The following RBM19 variants were observed in gnomAD, a reference collection of about 807,000 sequenced individuals.
The protein encoded by RBM19 is probable RNA-binding protein 19.
In RBM19, 94 loss-of-function variants were observed where a neutral mutation model predicts 116.8. The observed-to-expected ratio is 0.80, with a 90% confidence interval of 0.68 to 0.95. The LOEUF is 0.95. Ranked by LOEUF, RBM19 falls within the 40% of genes least tolerant of loss-of-function variation. RBM19 has a pLI of 0.00. For missense variants in RBM19, 1,161 were observed against 1,220.7 expected, an observed-to-expected ratio of 0.95 and a Z score of 0.73; for synonymous variants, 475 against 494.1, an observed-to-expected ratio of 0.96 and a Z score of 0.51.
intron 18 of RBM19, among the ~76,000 whole-genome samples, chr12:113,923,119 G>C (rs1566019198): frequency 6.6e-6 from 1 of 152,216 alleles, no homozygotes; most frequent in Non-Finnish European, 1.5e-5. Context: ...GGGTGACAGA[G>C]TGAGACTCTG....
At chr12:113,873,689 T>TA (rs146761765) in intron 21 of RBM19, among the ~76,000 whole-genome samples, 4,837 of 127,622 alleles carry the variant, frequency 0.038, 243 homozygotes, top group African/African-American at 0.13. Context: ...AAAAATAAAT[T>TA]AAAAAAAAAA....
In RBM19 at chr12:113,904,829, T is replaced by C. The variant is rs534310620; in HGVS notation, c.2558+10140A>G. Among the ~76,000 whole-genome samples the C allele has an allele frequency of 1.1e-4, 17 of 152,260 alleles. No individual in the cohort carries two copies. In the South Asian group the frequency reaches 2.5e-3, roughly 22 times the overall value. The stretch of plus-strand genomic sequence containing the variant: ...GTGAGGGATGCACATTCCACCAAGA[T>C]GGCAGCTCTCTCAGACTTTCCCGTC... On this transcript the variant is annotated intron_variant, in intron 21 of 23. Transcript: ENST00000261741.
chr12:113,922,505 C>T (rs977114765), intron 18 of RBM19, among the ~76,000 whole-genome samples: 1 of 152,094 alleles, frequency 6.6e-6, no homozygotes, highest in Non-Finnish European at 1.5e-5. Context: ...CAAGGCTGGC[C>T]CCACAGAGCA....
intron 18 of RBM19, among the ~76,000 whole-genome samples, chr12:113,924,444 T>C (rs757930186): frequency 6.6e-5 from 10 of 152,044 alleles, no homozygotes; most frequent in Non-Finnish European, 1.0e-4. Context: ...CCCCTGACAG[T>C]TTGAGGTGGT....
intron 21 of RBM19, among the ~76,000 whole-genome samples, chr12:113,909,785 C>G (rs1490876320): frequency 2.0e-5 from 3 of 152,202 alleles, no homozygotes; most frequent in Non-Finnish European, 2.9e-5. Flanking sequence ...TAACCCCAAA[C>G]AGTGTTCCTG....
At position 113,959,377 on chromosome 12, in the gene RBM19, A is replaced by G; in HGVS notation, c.406T>C (p.Phe136Leu). The G allele has an allele frequency of 6.2e-7, 1 of 1,607,602 alleles. No individual in the cohort carries two copies. The highest frequency in any genetic ancestry group is 8.5e-7 in the Non-Finnish European group (1 of 1,174,576). ...KLKEDTEFQE[F>L]LSVHQRRAQA... is the part of the protein sequence containing the mutation. The stretch of plus-strand genomic sequence containing the variant: ...GCCCGCCTCTGATGAACTGACAGAA[A>G]CTCCTGGAACTCTGTATCCTCCTTC... The change falls in exon 5 of 24, where the codon TTT becomes CTT. Residue 136 changes from phenylalanine to leucine, a missense_variant. Physicochemically the swap from Phe to Leu is conservative, Grantham distance 22. Transcript: ENST00000261741.
rs555087313 is a variant in RBM19, at chr12:113,872,476, G to A, written c.2559-13580C>T. ...TGCTCGGCCGCCCCTACTGGGAGGT[G>A]GGGAGCCCCTCTGCCCGGCCAGCCG... is the stretch of plus-strand genomic sequence containing the variant. On this transcript the variant is annotated intron_variant, in intron 21 of 23. Coordinates refer to ENST00000261741, the MANE Select transcript of RBM19 (RefSeq NM_016196.4). Among the ~76,000 whole-genome samples the A allele has an allele frequency of 6.3e-3, 895 of 141,744 alleles. 8 individuals carry two copies. The highest frequency in any genetic ancestry group is 0.02 in the African/African-American group (787 of 39,146). 93.0% of individuals were successfully genotyped at this position (141,744 alleles called of 152,430 possible).
intron 22 of RBM19, among the ~76,000 whole-genome samples, chr12:113,845,088 G>C (rs1876840825): frequency 6.6e-6 from 1 of 152,128 alleles, no homozygotes; most frequent in South Asian, 2.1e-4. Context: ...ATCTGTGGAG[G>C]GCGACCCCAT....
chr12:113,911,846 A>G (rs1335556320), intron 21 of RBM19, among the ~76,000 whole-genome samples: 2 of 152,248 alleles, frequency 1.3e-5, no homozygotes, highest in Non-Finnish European at 2.9e-5. Context: ...CCACAGCATC[A>G]TCACAAATTA....
At chr12:113,875,784 G>C (rs1020254708) in intron 21 of RBM19, among the ~76,000 whole-genome samples, 7 of 152,228 alleles carry the variant, frequency 4.6e-5, no homozygotes, top group African/African-American at 1.7e-4. Flanking sequence ...AGTTCACGCA[G>C]AGGGAAAAGT....
intron 13 of RBM19, 72 bp downstream of exon 13, chr12:113,945,756 A>G (rs1870953939): frequency 1.5e-6 from 2 of 1,313,638 alleles, no homozygotes; most frequent in South Asian, 2.6e-5. Flanking sequence ...ACAGCAGTAC[A>G]ACGAGCCTCC....
In RBM19 at chr12:113,914,958, G is replaced by C. The variant is rs762794347; in HGVS notation, c.2558+11C>G. 1 of 1,608,250 alleles carries C rather than the reference G, an allele frequency of 6.2e-7. No homozygotes were observed. Among genetic ancestry groups the C allele is most frequent in the South Asian group, 1.1e-5 (1 of 90,970 alleles). On this transcript the variant is annotated intron_variant, in intron 21 of 23. Coordinates refer to ENST00000261741, the MANE Select transcript of RBM19 (RefSeq NM_016196.4). ...CACGCCAGTCCCCTGGACTAAACCT[G>C]AAGTTCTCACCTGAAGAGCTCTCGG...
chr12:113,953,811 C>T (rs1485601021), intron 7 of RBM19, among the ~76,000 whole-genome samples: 1 of 152,212 alleles, frequency 6.6e-6, no homozygotes, highest in Non-Finnish European at 1.5e-5. Context: ...CCATGGTCTG[C>T]TTTTGAATGG....
chr12:113,824,606 C>CATT (rs1874701559), intron 23 of RBM19, among the ~76,000 whole-genome samples: 1 of 152,080 alleles, frequency 6.6e-6, no homozygotes, highest in South Asian at 2.1e-4. Context: ...TATCCGCAGG[C>CATT]TGTGAGCTCC....
intron 21 of RBM19, among the ~76,000 whole-genome samples, chr12:113,901,634 G>A (rs1450943602): frequency 2.0e-5 from 3 of 151,994 alleles, no homozygotes; most frequent in Non-Finnish European, 4.4e-5. Context: ...TTAGCCTCCC[G>A]AGTAGCTGGG....
rs551142795 is a variant in RBM19, at chr12:113,916,688, G to A, written c.2442-1603C>T. ...TGCCATGCCATGGGGACACTCAAGC[G>A]GTCCCAGAAAGAGATCCCCAAGGTG... On this transcript the variant is annotated intron_variant, in intron 20 of 23. Coordinates refer to ENST00000261741, the MANE Select transcript of RBM19 (RefSeq NM_016196.4). 7.2e-4 allele frequency among the ~76,000 whole-genome samples: 110 copies of A among 152,280 alleles called. 1 individual carries two copies. The highest frequency in any genetic ancestry group is 2.9e-3 in the Admixed American group (44 of 15,292).
intron 21 of RBM19, among the ~76,000 whole-genome samples, chr12:113,913,995 C>T (rs1359586166): frequency 6.6e-6 from 1 of 152,182 alleles, no homozygotes; most frequent in Non-Finnish European, 1.5e-5. Flanking sequence ...TCCCCTTAGG[C>T]CCTGATATGA....
At chr12:113,853,260 C>T (rs1398273980) in intron 22 of RBM19, among the ~76,000 whole-genome samples, 1 of 152,226 alleles carries the variant, frequency 6.6e-6, no homozygotes, top group East Asian at 1.9e-4. Flanking sequence ...ACAATGAAAG[C>T]TGTGGTTGTT....
rs1396817111 is a variant in RBM19 at position 113,915,034 on chromosome 12, G to A, written c.2493C>T (p.Thr831=). 2 of 1,614,214 alleles carry A rather than the reference G, an allele frequency of 1.2e-6. No individual in the cohort carries two copies. Among genetic ancestry groups the A allele is most frequent in the Non-Finnish European group, 1.7e-6 (2 of 1,180,044 alleles). ...GGATGTTCCGCACCAGGATCTTGGA[G>A]GTGGTCTGCTTTCTGGGAACTTGTT... ...RKKQVPRKQT[T]SKILVRNIPF... is the part of the protein sequence containing the mutation. Residue 831 remains threonine, a synonymous_variant, in exon 21 of 24, where the codon ACC becomes ACT. Transcript: ENST00000261741.
Sources: gnomAD v4.1 joint callset for allele counts (sites outside exome capture counted in the v4.1 genomes callset) on GRCh38, gnomAD v4.1.1 for gene constraint, MANE v1.5 for transcripts, NCBI Gene and HGNC (gene_info 2026-07-23, HGNC 2026-07-21) for gene names.